FARS2: variants seen among roughly 807,000 people sequenced by gnomAD.
The protein encoded by FARS2 is phenylalanine--tRNA ligase, mitochondrial.
Under a neutral mutation model 46.4 loss-of-function variants are expected in FARS2, and 40 were observed. The observed-to-expected ratio is 0.86, with a 90% CI of 0.67 to 1.12. The LOEUF (loss-of-function observed/expected upper bound fraction) is 1.12, where lower values mean the gene tolerates loss of function less well. Ranked by LOEUF, FARS2 falls within the 50% of genes most tolerant of loss-of-function variation. The pLI, the probability that FARS2 is intolerant of heterozygous loss-of-function variation, is 0.00. For synonymous variants in FARS2, 234 were observed against 214.9 expected, an observed-to-expected ratio of 1.09 and a Z score of -0.78; for missense variants, 513 against 567.9, an observed-to-expected ratio of 0.90 and a Z score of 0.98.
intron 1 of FARS2, among the ~76,000 whole-genome samples, chr6:5,338,829 C>T (rs1771352016): frequency 6.6e-6 from 1 of 152,170 alleles, no homozygotes; most frequent in African/African-American, 2.4e-5. Context: ...GGCTGCTGTA[C>T]TTTGGTGCTC....
At chr6:5,422,271 A>C (rs1235842367) in intron 3 of FARS2, among the ~76,000 whole-genome samples, 2 of 152,060 alleles carry the variant, frequency 1.3e-5, no homozygotes. Context: ...CCCCTTCCAC[A>C]ATGCGTGGGA....
At chr6:5,679,266 C>T (rs1002180119) in intron 6 of FARS2, among the ~76,000 whole-genome samples, 1 of 152,154 alleles carries the variant, frequency 6.6e-6, no homozygotes, top group Non-Finnish European at 1.5e-5. Context: ...ACCTTAGCTG[C>T]ACAAGACATT....
At chr6:5,624,962 G>T (rs1775960440) in intron 6 of FARS2, among the ~76,000 whole-genome samples, 1 of 152,166 alleles carries the variant, frequency 6.6e-6, no homozygotes, top group Non-Finnish European at 1.5e-5. Flanking sequence ...CAGCATGGGA[G>T]TCTGCCCCTC....
chr6:5,656,566 T>G (rs1777616300), intron 6 of FARS2, among the ~76,000 whole-genome samples: 1 of 57,634 alleles, frequency 1.7e-5, no homozygotes, highest in South Asian at 7.9e-4. Context: ...TGTTTTTTTT[T>G]TGGAGACAGA....
chr6:5,369,243 C>G (rs1758885093), intron 2 of FARS2, 61 bp downstream of exon 2: 2 of 1,527,922 alleles, frequency 1.3e-6, no homozygotes, highest in South Asian at 1.2e-5. Context: ...GTTGAGGTCA[C>G]TAACATTTAG....
intron 1 of FARS2, among the ~76,000 whole-genome samples, chr6:5,330,205 C>T (rs1770701630): frequency 6.6e-6 from 1 of 151,988 alleles, no homozygotes; most frequent in South Asian, 2.1e-4. Flanking sequence ...TTTAGGAGCC[C>T]CTTGATGGGA....
At chr6:5,294,883 C>A (rs1767748923) in intron 1 of FARS2, among the ~76,000 whole-genome samples, 2 of 152,046 alleles carry the variant, frequency 1.3e-5, no homozygotes, top group African/African-American at 4.8e-5. Flanking sequence ...TTCCTTCCCC[C>A]AAAGTATAGG....
intron 1 of FARS2, among the ~76,000 whole-genome samples, chr6:5,359,520 G>A (rs574431410): frequency 6.6e-6 from 1 of 152,314 alleles, no homozygotes; most frequent in South Asian, 2.1e-4. Flanking sequence ...TGGGCTCTCT[G>A]ATCCATATGC....
At chr6:5,609,315 C>T in intron 5 of FARS2, 1 of 1,118,738 alleles carries the variant, frequency 8.9e-7, no homozygotes, top group Non-Finnish European at 1.3e-6. Flanking sequence ...GTATTGGCCT[C>T]TACCACCATA....
intron 6 of FARS2, among the ~76,000 whole-genome samples, chr6:5,749,131 C>T (rs772422569): frequency 2.0e-5 from 3 of 152,192 alleles, no homozygotes; most frequent in Non-Finnish European, 2.9e-5. Flanking sequence ...GGGCCCAGTC[C>T]TCTCCTCCCG....
chr6:5,327,778 C>T (rs954184148), intron 1 of FARS2, among the ~76,000 whole-genome samples: 4 of 152,200 alleles, frequency 2.6e-5, no homozygotes, highest in African/African-American at 9.6e-5. Flanking sequence ...TTCCTTTTCT[C>T]CTTGCTTACC....
chr6:5,411,314 C>T (rs1189140972), intron 3 of FARS2, among the ~76,000 whole-genome samples: 1 of 148,100 alleles, frequency 6.8e-6, no homozygotes, highest in Non-Finnish European at 1.5e-5. Context: ...AACAAAAAAT[C>T]GTCTTCTCTC....
chr6:5,706,988 C>G (rs374042878), intron 6 of FARS2, among the ~76,000 whole-genome samples: 2 of 152,200 alleles, frequency 1.3e-5, no homozygotes, highest in East Asian at 1.9e-4. Context: ...CCTTGATGAA[C>G]CAAAATGTTT....
At chr6:5,365,284 C>T (rs1399536769) in intron 1 of FARS2, among the ~76,000 whole-genome samples, 2 of 132,184 alleles carry the variant, frequency 1.5e-5, no homozygotes, top group Non-Finnish European at 3.2e-5. Flanking sequence ...TTGAACTTAA[C>T]AATCTTGGAC....
chr6:5,668,851 G>A (rs1388879405), intron 6 of FARS2, among the ~76,000 whole-genome samples: 5 of 151,754 alleles, frequency 3.3e-5, no homozygotes, highest in East Asian at 1.9e-4. Flanking sequence ...CCACCATCAC[G>A]CCCTGCTAAT....
At chr6:5,553,878 T>C (rs1032287054) in intron 5 of FARS2, among the ~76,000 whole-genome samples, 2 of 152,176 alleles carry the variant, frequency 1.3e-5, no homozygotes, top group African/African-American at 4.8e-5. Flanking sequence ...TAATGATGGT[T>C]AAAATTATTT....
chr6:5,320,256 A>T (rs1769870499), intron 1 of FARS2, among the ~76,000 whole-genome samples: 1 of 152,220 alleles, frequency 6.6e-6, no homozygotes, highest in African/African-American at 2.4e-5. Flanking sequence ...CGTCTAACAG[A>T]TGGATCTCCC....
At chr6:5,660,327 G>A (rs1777792132) in intron 6 of FARS2, among the ~76,000 whole-genome samples, 2 of 152,104 alleles carry the variant, frequency 1.3e-5, no homozygotes, top group Non-Finnish European at 2.9e-5. Context: ...GCTGAAATAA[G>A]CATCTGCAAC....
chr6:5,378,729 T>C (rs1759552634), intron 2 of FARS2, among the ~76,000 whole-genome samples: 1 of 152,234 alleles, frequency 6.6e-6, no homozygotes, highest in Non-Finnish European at 1.5e-5. Context: ...ATCTCTTCTT[T>C]AAAATATTTT....
Sources: gnomAD v4.1 joint callset for allele counts (sites outside exome capture counted in the v4.1 genomes callset) on GRCh38, gnomAD v4.1.1 for gene constraint, MANE v1.5 for transcripts, NCBI Gene and HGNC (gene_info 2026-07-23, HGNC 2026-07-21) for gene names.